Variants in ATXN2 observed in about 807,000 individuals in gnomAD.
The protein encoded by ATXN2 is ataxin 2.
Under a neutral mutation model 138.6 loss-of-function variants are expected in ATXN2, and 37 were observed. That is an observed-to-expected ratio of 0.27 (90% CI 0.21 to 0.35). The LOEUF is 0.35. Ranked by LOEUF, ATXN2 falls within the 10% of genes least tolerant of loss-of-function variation. ATXN2 has a pLI of 1.00. For synonymous variants in ATXN2, 549 were observed against 543.7 expected (o/e 1.01, Z -0.13); for missense variants, 1,216 against 1,480.3 (o/e 0.82, Z 2.93).
In ATXN2 at chr12:111,598,926, G is replaced by A. The variant is rs1233341183; in HGVS notation, c.109C>T (p.Arg37Cys). The A allele has an allele frequency of 4.0e-6, 6 of 1,512,752 alleles. No homozygotes were observed. The highest frequency in any genetic ancestry group is 5.3e-6 in the Non-Finnish European group (6 of 1,135,938). The allele number at this position is 1,512,752 out of a possible 1,614,324, so 93.7% of individuals were successfully genotyped here. A position where few individuals can be genotyped will look rare whatever the true frequency, so the allele number is the denominator to read the frequency against. Reference sequence around the variant, plus strand: ...AGAAGGCCGCTGCCGCCGGGCTTGCGGACATTGGCAGCCGCGGGCGGCGGC... The same window carrying A: ...AGAAGGCCGCTGCCGCCGGGCTTGCAGACATTGGCAGCCGCGGGCGGCGGC... The part of the protein sequence containing the change: ...QQPPPAAANV[R>C]KPGGSGLLAS... Residue 37 changes from arginine (R) to cysteine (C), a missense_variant, in exon 1 of 25, where the codon CGC (arginine) becomes TGC (cysteine). Around this residue, in one of 4 missense-constraint regions of ATXN2, gnomAD observed 110 missense variants for 88.7 expected, o/e 1.24. Coordinates refer to ENST00000673436, the MANE Select transcript of ATXN2 (RefSeq NM_001372574.1). This position sits in a 1 kb window ranked among gnomAD's most constrained non-coding sequence, Gnocchi z 4.5.
At chr12:111,492,722 C>T (rs1231395785) in intron 14 of ATXN2, among the ~76,000 whole-genome samples, 4 of 151,128 alleles carry the variant, frequency 2.6e-5, no homozygotes, top group Non-Finnish European at 5.9e-5. Context: ...ACAAACAAAA[C>T]CAGACTACAA....
intron 1 of ATXN2, among the ~76,000 whole-genome samples, chr12:111,571,110 T>C (rs539619246): frequency 6.6e-5 from 10 of 152,296 alleles, no homozygotes; most frequent in Admixed American, 6.5e-5. Flanking sequence ...TAAGCATAAG[T>C]GAAAATAACT....
intron 15 of ATXN2, among the ~76,000 whole-genome samples, chr12:111,488,133 C>T (rs1185003815): frequency 6.6e-6 from 1 of 152,154 alleles, no homozygotes; most frequent in African/African-American, 2.4e-5. Flanking sequence ...AACCTAGCAG[C>T]ACAGTGAGGG....
intron 1 of ATXN2, among the ~76,000 whole-genome samples, chr12:111,597,337 CCT>C (rs1884988061): frequency 6.6e-6 from 1 of 152,162 alleles, no homozygotes; most frequent in Non-Finnish European, 1.5e-5. Flanking sequence ...AATGAAAAAT[CCT>C]CTTATTCCAC....
chr12:111,505,908 A>T (rs1436555586), intron 14 of ATXN2, among the ~76,000 whole-genome samples: 1 of 152,254 alleles, frequency 6.6e-6, no homozygotes, highest in Non-Finnish European at 1.5e-5. Flanking sequence ...TGGCAGTGTT[A>T]TTCAGAATAG....
chr12:111,538,833 G>A (rs1881337629), intron 5 of ATXN2, among the ~76,000 whole-genome samples: 1 of 150,220 alleles, frequency 6.7e-6, no homozygotes, highest in African/African-American at 2.4e-5. Flanking sequence ...GCTGAGTGAA[G>A]ATCAATAGCC....
intron 14 of ATXN2, among the ~76,000 whole-genome samples, chr12:111,498,128 A>G (rs934242750): frequency 2.6e-5 from 4 of 152,212 alleles, no homozygotes; most frequent in African/African-American, 9.6e-5. Flanking sequence ...GAAAAGGGAA[A>G]AACTGAAAGG....
At chr12:111,578,657 A>G (rs927152742) in intron 1 of ATXN2, among the ~76,000 whole-genome samples, 10 of 152,200 alleles carry the variant, frequency 6.6e-5, no homozygotes, top group African/African-American at 2.2e-4. Flanking sequence ...ATGCATAAAC[A>G]TAGTTTCTCA....
At chr12:111,452,897 T>C in intron 24 of ATXN2, 57 bp from the exon 25 acceptor site, 1 of 1,586,282 alleles carries the variant, frequency 6.3e-7, no homozygotes, top group Admixed American at 1.8e-5. Context: ...CACATCAGCC[T>C]AGTGTCTCTG....
At chr12:111,572,393 C>T (rs1159583681) in intron 1 of ATXN2, among the ~76,000 whole-genome samples, 2 of 148,206 alleles carry the variant, frequency 1.3e-5, no homozygotes, top group South Asian at 2.2e-4. Context: ...AAGAGCAAAA[C>T]TCCATCTCAA....
intron 6 of ATXN2, among the ~76,000 whole-genome samples, chr12:111,521,593 C>T (rs1413570069): frequency 6.6e-6 from 1 of 152,172 alleles, no homozygotes; most frequent in Non-Finnish European, 1.5e-5. Context: ...TGGACAAAGT[C>T]ACAAGAACTG....
chr12:111,581,345 G>A, intron 1 of ATXN2: 1 of 567,240 alleles, frequency 1.8e-6, no homozygotes. Flanking sequence ...AACCACCCCA[G>A]CAACCCGACC....
chr12:111,470,910 G>A, intron 18 of ATXN2, 168 bp from the exon 19 acceptor site: 1 of 673,624 alleles, frequency 1.5e-6, no homozygotes, highest in Non-Finnish European at 2.5e-6. Context: ...TATCATGCAT[G>A]CTAGTCCTCA....
At chr12:111,561,812 C>T (rs1416110833) in intron 1 of ATXN2, among the ~76,000 whole-genome samples, 6 of 151,734 alleles carry the variant, frequency 4.0e-5, no homozygotes, top group South Asian at 4.2e-4. Context: ...AGCAAGACTC[C>T]GTCTTTCTGT....
At chr12:111,487,002 A>G (rs1877687689) in intron 15 of ATXN2, among the ~76,000 whole-genome samples, 178 bp from the exon 16 acceptor site, 3 of 152,226 alleles carry the variant, frequency 2.0e-5, no homozygotes, top group South Asian at 4.1e-4. Context: ...TTAATCCCTT[A>G]AAGAATACAG....
At chr12:111,509,527 C>A (rs775314223) in intron 14 of ATXN2, 22 bp downstream of exon 14, 3 of 1,294,594 alleles carry the variant, frequency 2.3e-6, no homozygotes, top group East Asian at 5.0e-5. Context: ...AACTCAAATT[C>A]ATCAGTTAGT....
intron 11 of ATXN2, chr12:111,512,325 GTTTT>G (rs983787154): frequency 2.6e-5 from 4 of 151,994 alleles, no homozygotes; most frequent in Non-Finnish European, 5.9e-5. Flanking sequence ...TTGTTTGTTT[GTTTT>G]AAGTATTCTT....
intron 1 of ATXN2, among the ~76,000 whole-genome samples, chr12:111,576,514 C>T (rs529893001): frequency 6.6e-5 from 10 of 152,160 alleles, no homozygotes; most frequent in African/African-American, 1.9e-4. Flanking sequence ...GACACAGTCT[C>T]ACTCTGTCAC....
At chr12:111,596,008 G>T (rs1428296917) in intron 1 of ATXN2, among the ~76,000 whole-genome samples, 1 of 152,124 alleles carries the variant, frequency 6.6e-6, no homozygotes, top group Non-Finnish European at 1.5e-5. Flanking sequence ...GACCAGCCTG[G>T]CCAACATGGC....
Sources: allele counts gnomAD v4.1 joint callset (sites outside exome capture counted in the v4.1 genomes callset), GRCh38; gene constraint gnomAD v4.1.1; regional missense constraint gnomAD v4.1.1; non-coding constraint Gnocchi (gnomAD v3.1); transcripts MANE v1.5; gene names NCBI Gene and HGNC (gene_info 2026-07-23, HGNC 2026-07-21).